MAML2: variants seen among roughly 807,000 people sequenced by gnomAD.
The protein encoded by MAML2 is mastermind-like protein 2.
Under a neutral mutation model 96.1 loss-of-function variants are expected in MAML2, and 22 were observed. The observed-to-expected ratio is 0.23, with a 90% confidence interval of 0.16 to 0.33. MAML2 has a LOEUF of 0.33. MAML2 is among the 10% of genes least tolerant of loss of function. MAML2 has a pLI of 1.00. For synonymous variants in MAML2, 561 were observed against 521.3 expected, an observed-to-expected ratio of 1.08 and a Z score of -1.04; for missense variants, 1,367 against 1,392.4, an observed-to-expected ratio of 0.98 and a Z score of 0.29.
At chr11:95,990,824 G>A (rs1857897270) in intron 3 of MAML2, among the ~76,000 whole-genome samples, 1 of 152,102 alleles carries the variant, frequency 6.6e-6, no homozygotes, top group Admixed American at 6.5e-5. Flanking sequence ...TGGCCAAATA[G>A]TTTGAAGGGA....
At chr11:96,339,240 G>C (rs1176979230) in intron 1 of MAML2, among the ~76,000 whole-genome samples, 2 of 152,220 alleles carry the variant, frequency 1.3e-5, no homozygotes, top group Non-Finnish European at 2.9e-5. Flanking sequence ...TTAGGCCAGA[G>C]GTAGCACAGC....
chr11:96,299,058 A>ATATATATATATAT (rs61036575), intron 1 of MAML2, among the ~76,000 whole-genome samples: 155 of 57,948 alleles, frequency 2.7e-3, no homozygotes, highest in South Asian at 5.1e-3. Context: ...AAAAAAAAAA[A>ATATATATATATAT]AAATATATAT....
intron 1 of MAML2, among the ~76,000 whole-genome samples, chr11:96,166,177 T>TCTCACACACACACA (rs530578845): frequency 1.4e-4 from 15 of 110,382 alleles, no homozygotes; most frequent in African/African-American, 4.9e-4. Context: ...TCTCTCTCTC[T>TCTCACACACACACA]CACACACACA....
At chr11:96,293,836 CAG>C (rs934049099) in intron 1 of MAML2, among the ~76,000 whole-genome samples, 1 of 152,188 alleles carries the variant, frequency 6.6e-6, no homozygotes, top group African/African-American at 2.4e-5. Context: ...ATACATGTAG[CAG>C]AGAGGCAGGG....
chr11:96,040,008 C>T (rs1156641551), intron 2 of MAML2, among the ~76,000 whole-genome samples: 1 of 151,914 alleles, frequency 6.6e-6, no homozygotes, highest in Non-Finnish European at 1.5e-5. Context: ...GGGCTAGCAG[C>T]CTATTCGCTG....
chr11:96,241,567 CT>C (rs1862438159), intron 1 of MAML2, among the ~76,000 whole-genome samples: 1 of 152,194 alleles, frequency 6.6e-6, no homozygotes, highest in Non-Finnish European at 1.5e-5. Context: ...ACAAAAAGGA[CT>C]TAGTCCAGAA....
intron 2 of MAML2, among the ~76,000 whole-genome samples, chr11:96,043,166 C>G (rs761379184): frequency 2.0e-5 from 3 of 152,156 alleles, no homozygotes; most frequent in African/African-American, 7.2e-5. Flanking sequence ...TTTATATCAA[C>G]GGAAGGAAGG....
chr11:95,977,828 C>T lies in MAML2; in HGVS notation c.*1120G>A, dbSNP rs766724315. The T allele has an allele frequency of 8.0e-5, 18 of 226,012 alleles. No individual in the cohort carries two copies. Among genetic ancestry groups the T allele is most frequent in the South Asian group, 7.3e-4 (4 of 5,474 alleles). The allele number at this position is 226,012 out of a possible 1,614,324, so 14.0% of individuals were successfully genotyped here. On this transcript the variant is annotated 3_prime_UTR_variant, in exon 5 of 5. Transcript: ENST00000524717. Reference sequence around the variant, plus strand: ...GTTGCTCACCCAAATCCAAATAATACGTCCAATGAAGGACAAATTGTTTTC... The same window carrying T: ...GTTGCTCACCCAAATCCAAATAATATGTCCAATGAAGGACAAATTGTTTTC...
Position 96,054,007 on chromosome 11 carries a change from G to A in MAML2, c.2139+37885C>T, listed in dbSNP as rs77728736. 8.0e-3 allele frequency among the ~76,000 whole-genome samples: 1,210 copies of A among 152,074 alleles called. 16 individuals are homozygous for A. Among genetic ancestry groups the A allele is most frequent in the African/African-American group, 0.027 (1,141 of 41,502 alleles). ...AGAAATATATGGAGTTTGTTTTACT[G>A]TTTTATATTCCATTGGGAGAAAAAA... On this transcript the variant is annotated intron_variant, in intron 2 of 4. Transcript: ENST00000524717.
chr11:96,262,925 T>A (rs2135974474), intron 1 of MAML2, among the ~76,000 whole-genome samples: 1 of 152,236 alleles, frequency 6.6e-6, no homozygotes, highest in East Asian at 1.9e-4. Flanking sequence ...AGGAGTCATG[T>A]TTACTTTGCA....
chr11:96,306,080 AACATAT>A (rs112683963), intron 1 of MAML2, among the ~76,000 whole-genome samples: 13,983 of 152,056 alleles, frequency 0.092, 1,268 homozygotes, highest in African/African-American at 0.24. Context: ...TTATATACAT[AACATAT>A]ACATATATAG....
At position 96,093,384 on chromosome 11, in the gene MAML2, T is replaced by G. The variant is rs1242040150; in HGVS notation, c.647A>C (p.Gln216Pro). 1 of 1,614,040 alleles carries G rather than the reference T, an allele frequency of 6.2e-7. No homozygotes were observed. The highest frequency in any genetic ancestry group is 1.6e-4 in the Middle Eastern group (1 of 6,062). The change falls in exon 2 of 5, where the codon CAA becomes CCA. Residue 216 changes from glutamine (Q) to proline (P), a missense_variant. Gln to Pro is a moderately conservative substitution (Grantham distance 76). Transcript: ENST00000524717. ...TCCATTGTTTATTTGGAGGCCACCT[T>G]GTCCTGCAGAGAGATTCTCCCCAAC... Reference protein sequence around the residue: ...IRVGENLSAGQGGLQINNGQS... With the variant: ...IRVGENLSAGPGGLQINNGQS...
intron 2 of MAML2, among the ~76,000 whole-genome samples, chr11:96,060,904 A>C (rs1859148316): frequency 6.6e-6 from 1 of 152,148 alleles, no homozygotes; most frequent in Non-Finnish European, 1.5e-5. Flanking sequence ...GTTTTTCATG[A>C]GGCCAGTCTA....
At chr11:96,103,313 C>G (rs1398945258) in intron 1 of MAML2, among the ~76,000 whole-genome samples, 3 of 152,128 alleles carry the variant, frequency 2.0e-5, no homozygotes, top group African/African-American at 7.2e-5. Context: ...TATCAGGCAC[C>G]TAGTGGCCTG....
intron 1 of MAML2, among the ~76,000 whole-genome samples, chr11:96,183,756 C>T (rs1591060659): frequency 1.3e-5 from 2 of 152,246 alleles, no homozygotes; most frequent in Admixed American, 6.5e-5. Flanking sequence ...CTTAGGTTTA[C>T]TGCAAAATTG....
chr11:96,320,845 G>GAA (rs1372017343), intron 1 of MAML2, among the ~76,000 whole-genome samples: 1 of 152,144 alleles, frequency 6.6e-6, no homozygotes, highest in Non-Finnish European at 1.5e-5. Flanking sequence ...ATGGCAATAA[G>GAA]AAAACATATC....
At chr11:96,124,682 C>A (rs75036326) in intron 1 of MAML2, among the ~76,000 whole-genome samples, 2 of 151,986 alleles carry the variant, frequency 1.3e-5, no homozygotes, top group African/African-American at 4.8e-5. Flanking sequence ...TAAACACACG[C>A]GTGTGTGTGC....
chr11:96,049,903 A>T (rs1378893714), intron 2 of MAML2, among the ~76,000 whole-genome samples: 4 of 152,196 alleles, frequency 2.6e-5, no homozygotes, highest in African/African-American at 9.7e-5. Context: ...GATGTTTATT[A>T]TCATTAATAA....
chr11:96,011,360 A>C (rs757509420), intron 2 of MAML2, among the ~76,000 whole-genome samples: 2 of 152,252 alleles, frequency 1.3e-5, no homozygotes, highest in Admixed American at 6.5e-5. Flanking sequence ...AATATGGTAC[A>C]TATACACCAT....
Sources: allele counts gnomAD v4.1 joint callset (sites outside exome capture counted in the v4.1 genomes callset), GRCh38; gene constraint gnomAD v4.1.1; transcripts MANE v1.5; gene names NCBI Gene and HGNC (gene_info 2026-07-23, HGNC 2026-07-21).